MTHFD1: variants seen among roughly 807,000 people sequenced by gnomAD.
MTHFD1 encodes C-1-tetrahydrofolate synthase, cytoplasmic.
Under a neutral mutation model 110.3 loss-of-function variants are expected in MTHFD1, and 44 were observed. The ratio of observed to expected loss-of-function variants is 0.40; its 90% confidence interval spans 0.31 to 0.51. MTHFD1 has a LOEUF of 0.51. MTHFD1 is among the 20% of genes least tolerant of loss of function. MTHFD1 has a pLI of 0.60. For missense variants in MTHFD1, 909 were observed against 1,173.1 expected, an observed-to-expected ratio of 0.77 and a Z score of 3.29; for synonymous variants, 402 against 428.8, an observed-to-expected ratio of 0.94 and a Z score of 0.77.
intron 8 of MTHFD1, among the ~76,000 whole-genome samples, chr14:64,422,158 A>T (rs937927928): frequency 6.6e-6 from 1 of 152,130 alleles, no homozygotes; most frequent in African/African-American, 2.4e-5. Context: ...CTTCTGGTCA[A>T]CAGTGTTTTT....
intron 1 of MTHFD1, among the ~76,000 whole-genome samples, chr14:64,393,083 A>C (rs759204455): frequency 2.1e-4 from 32 of 152,350 alleles, no homozygotes; most frequent in Non-Finnish European, 3.4e-4. Context: ...GATTAAATAC[A>C]TGTAGGCCCT....
intron 15 of MTHFD1, among the ~76,000 whole-genome samples, chr14:64,432,353 C>T (rs893784761): frequency 2.0e-5 from 3 of 152,188 alleles, no homozygotes; most frequent in South Asian, 2.1e-4. Flanking sequence ...AGTAAGCATA[C>T]ACCATACCAC....
At position 64,412,534 on chromosome 14, in the gene MTHFD1, T is replaced by C. The variant is rs1031056604; in HGVS notation, c.240+9T>C. ...CAACCACAGAATCTGAGGTGAGCTT[T>C]TATGAGTTGATTGTGAAGAGGGAAG... On this transcript the variant is annotated intron_variant, in intron 4 of 27. Coordinates refer to ENST00000652337, the MANE Select transcript of MTHFD1 (RefSeq NM_005956.4). The C allele has an allele frequency of 3.1e-6, 5 of 1,610,816 alleles. No homozygotes were observed. In the African/African-American group the frequency reaches 6.7e-5, roughly 21 times the overall value.
chr14:64,455,117 T>A (rs2140989526), intron 26 of MTHFD1: 1 of 498,120 alleles, frequency 2.0e-6, no homozygotes, highest in Non-Finnish European at 3.7e-6. Context: ...GAATAAAAAA[T>A]TCTGTTTCCC....
intron 17 of MTHFD1, among the ~76,000 whole-genome samples, 190 bp from the exon 18 acceptor site, chr14:64,439,936 G>C (rs2078235092): frequency 8.6e-6 from 1 of 116,326 alleles, no homozygotes; most frequent in South Asian, 3.4e-4. Context: ...TCAGGGTCTT[G>C]GAATAATTAA....
intron 9 of MTHFD1, 119 bp downstream of exon 9, chr14:64,425,050 G>A: frequency 5.6e-6 from 7 of 1,260,546 alleles, no homozygotes; most frequent in Admixed American, 4.2e-5. Flanking sequence ...AATTTATTGA[G>A]AAAAAGGGAA....
At chr14:64,409,674 T>A (rs1162515650) in intron 2 of MTHFD1, among the ~76,000 whole-genome samples, 2 of 151,950 alleles carry the variant, frequency 1.3e-5, no homozygotes, top group African/African-American at 2.4e-5. Context: ...ACGAGAAGCA[T>A]CTAATGTACT....
intron 1 of MTHFD1, among the ~76,000 whole-genome samples, chr14:64,391,462 C>G (rs962273708): frequency 6.6e-6 from 1 of 152,128 alleles, no homozygotes. Context: ...ACTGCGCCCC[C>G]GCTGGCGCTT....
chr14:64,415,266 A>C, intron 4 of MTHFD1, 92 bp from the exon 5 acceptor site: 1 of 1,098,258 alleles, frequency 9.1e-7, no homozygotes. Context: ...GTTGGGGGGA[A>C]ATAGGGCAAC....
At chr14:64,458,633 G>A in intron 27 of MTHFD1, 2 of 396,168 alleles carry the variant, frequency 5.0e-6, no homozygotes, top group South Asian at 4.4e-5. Flanking sequence ...AGGAGGCTTG[G>A]GGTTCAGAGT....
intron 27 of MTHFD1, 24 bp from the exon 28 acceptor site, chr14:64,459,735 T>C (rs923781980): frequency 9.2e-6 from 14 of 1,522,318 alleles, no homozygotes; most frequent in Middle Eastern, 1.8e-4. Flanking sequence ...AGAGAAAACA[T>C]TTATTTCTTG....
chr14:64,415,756 AAAC>A lies in MTHFD1; in HGVS notation c.478+23_478+25del. On this transcript the variant is annotated intron_variant, in intron 6 of 27. Coordinates refer to ENST00000652337, the MANE Select transcript of MTHFD1 (RefSeq NM_005956.4). ...AAGAGACAGGTAAAAACAACAAACC[AAAC>A]AACAAGAAAGCACCATTTCCTGAAT... The A allele has an allele frequency of 1.9e-6, 3 of 1,611,952 alleles. No homozygotes were observed. Among genetic ancestry groups the A allele is most frequent in the Non-Finnish European group, 1.7e-6 (2 of 1,178,328 alleles).
chr14:64,442,449 C>T, intron 21 of MTHFD1, 47 bp downstream of exon 21: 1 of 1,597,164 alleles, frequency 6.3e-7, no homozygotes, highest in Non-Finnish European at 8.6e-7. Context: ...GTGCTGACGG[C>T]CAAAAGGAAG....
At position 64,400,838 on chromosome 14, in the gene MTHFD1, G is replaced by A. The variant is rs2077889857; in HGVS notation, c.87G>A (p.Glu29=). The change falls in exon 2 of 28, where the codon GAG becomes GAA. Residue 29 remains glutamate, a synonymous_variant. Transcript: ENST00000652337. Reference sequence around the variant, plus strand: ...AAAATCAAGTCACTCAGTTGAAGGAGCAAGTACCTGGTTTCACACCACGCC... The same window carrying A: ...AAAATCAAGTCACTCAGTTGAAGGAACAAGTACCTGGTTTCACACCACGCC... ...RLKNQVTQLK[E]QVPGFTPRLA... is the part of the protein sequence containing the mutation. 3.7e-6 allele frequency: 6 copies of A among 1,613,848 alleles called. No homozygotes were observed. The highest frequency in any genetic ancestry group is 2.2e-5 in the East Asian group (1 of 44,884).
intron 24 of MTHFD1, among the ~76,000 whole-genome samples, chr14:64,450,486 A>T (rs1427235505): frequency 2.0e-5 from 3 of 152,192 alleles, no homozygotes; most frequent in Non-Finnish European, 4.4e-5. Context: ...CACCTGGTCT[A>T]AGTAGAGCCC....
chr14:64,429,785 T>C (rs896965992), intron 12 of MTHFD1, among the ~76,000 whole-genome samples: 1 of 152,214 alleles, frequency 6.6e-6, no homozygotes, highest in Non-Finnish European at 1.5e-5. Flanking sequence ...CTAATCTATT[T>C]ATCTCTATTT....
intron 1 of MTHFD1, among the ~76,000 whole-genome samples, chr14:64,398,319 G>A: frequency 6.6e-6 from 1 of 152,180 alleles, no homozygotes; most frequent in East Asian, 1.9e-4. Flanking sequence ...GCCAAGGTGG[G>A]AGGATCACTT....
intron 17 of MTHFD1, 142 bp downstream of exon 17, chr14:64,439,314 G>A: frequency 1.4e-6 from 1 of 717,768 alleles, no homozygotes; most frequent in South Asian, 1.5e-5. Flanking sequence ...GTGAGTAGGT[G>A]TGTGGCATTG....
At chr14:64,409,407 TG>T (rs1426795524) in intron 2 of MTHFD1, among the ~76,000 whole-genome samples, 1 of 152,214 alleles carries the variant, frequency 6.6e-6, no homozygotes, top group Non-Finnish European at 1.5e-5. Context: ...GCTTCCTTAC[TG>T]GCAGCAAGTG....
Sources: gnomAD v4.1 joint callset for allele counts (sites outside exome capture counted in the v4.1 genomes callset) on GRCh38, gnomAD v4.1.1 for gene constraint, MANE v1.5 for transcripts, NCBI Gene and HGNC (gene_info 2026-07-23, HGNC 2026-07-21) for gene names.